MARCHF3: variants seen among roughly 807,000 people sequenced by gnomAD.
MARCHF3 encodes E3 ubiquitin-protein ligase MARCHF3.
MARCHF3 carries 13 observed loss-of-function variants against 24.2 expected under a neutral mutation model. The observed-to-expected ratio is 0.54, with a 90% CI of 0.35 to 0.85. MARCHF3 has a LOEUF of 0.85. Ranked by LOEUF, MARCHF3 falls within the 40% of genes least tolerant of loss-of-function variation. The pLI, the probability that MARCHF3 is intolerant of heterozygous loss-of-function variation, is 0.01. For missense variants in MARCHF3, 276 were observed against 325.0 expected (o/e 0.85, Z 1.16); for synonymous variants, 144 against 137.3 (o/e 1.05, Z -0.34).
chr5:127,013,336 A>T (rs1269426745), intron 1 of MARCHF3, among the ~76,000 whole-genome samples: 1 of 152,204 alleles, frequency 6.6e-6, no homozygotes, highest in Non-Finnish European at 1.5e-5. Context: ...ATTAAAAGGA[A>T]AGGAAAAGAA....
Position 126,911,855 on chromosome 5 carries a change from G to C in MARCHF3, c.393+3075C>G, listed in dbSNP as rs149100930. The stretch of plus-strand genomic sequence containing the variant: ...ATAATCAACTCACTGAGGTCTAATT[G>C]TACGCCATACAGTATATCCATTTTA... On this transcript the variant is annotated intron_variant, in intron 3 of 4. Transcript: ENST00000308660. Among the ~76,000 whole-genome samples the C allele has an allele frequency of 1.9e-3, 289 of 152,310 alleles. 1 individual carries two copies. Among genetic ancestry groups the C allele is most frequent in the African/African-American group, 6.8e-3 (282 of 41,562 alleles).
chr5:126,958,781 G>A (rs1226575529), intron 1 of MARCHF3, among the ~76,000 whole-genome samples: 1 of 152,134 alleles, frequency 6.6e-6, no homozygotes, highest in African/African-American at 2.4e-5. Context: ...TGATTTTTAA[G>A]TGTAATGTGC....
At chr5:127,010,805 G>A (rs1394112965) in intron 1 of MARCHF3, among the ~76,000 whole-genome samples, 1 of 152,076 alleles carries the variant, frequency 6.6e-6, no homozygotes, top group Non-Finnish European at 1.5e-5. Flanking sequence ...CTGTAATGTT[G>A]GCTACAAAAG....
At chr5:126,984,311 CT>C (rs1751489959) in intron 1 of MARCHF3, among the ~76,000 whole-genome samples, 1 of 152,246 alleles carries the variant, frequency 6.6e-6, no homozygotes, top group African/African-American at 2.4e-5. Flanking sequence ...CATAAAGGTA[CT>C]TAGGAAATAA....
chr5:126,910,207 C>G (rs1285860182), intron 3 of MARCHF3, among the ~76,000 whole-genome samples: 1 of 152,208 alleles, frequency 6.6e-6, no homozygotes, highest in Non-Finnish European at 1.5e-5. Flanking sequence ...TTGAGCTGAC[C>G]TATAACTTCA....
intron 1 of MARCHF3, among the ~76,000 whole-genome samples, chr5:126,986,219 G>A (rs111401334): frequency 5.9e-5 from 9 of 152,302 alleles, no homozygotes; most frequent in African/African-American, 2.2e-4. Flanking sequence ...ATTTCAGACA[G>A]GGCCCAAGTG....
intron 1 of MARCHF3, among the ~76,000 whole-genome samples, chr5:126,957,913 T>C (rs889008817): frequency 6.6e-6 from 1 of 152,146 alleles, no homozygotes; most frequent in East Asian, 1.9e-4. Context: ...TCTAGGAACA[T>C]AGTATTTATT....
chr5:126,961,555 G>A (rs997696900), intron 1 of MARCHF3, among the ~76,000 whole-genome samples: 3 of 152,110 alleles, frequency 2.0e-5, no homozygotes, highest in Admixed American at 6.5e-5. Flanking sequence ...CTATTCATTT[G>A]TGTAACTACA....
At chr5:126,946,047 A>C (rs1341898920) in intron 1 of MARCHF3, among the ~76,000 whole-genome samples, 1 of 152,054 alleles carries the variant, frequency 6.6e-6, no homozygotes, top group African/African-American at 2.4e-5. Flanking sequence ...TGGTGAAATC[A>C]ATTTAGTGAG....
At chr5:126,896,228 GA>G (rs956424659) in intron 3 of MARCHF3, among the ~76,000 whole-genome samples, 5 of 152,156 alleles carry the variant, frequency 3.3e-5, no homozygotes, top group African/African-American at 1.2e-4. Context: ...CTAGTGAGAT[GA>G]ACCCGGTACC....
intron 3 of MARCHF3, among the ~76,000 whole-genome samples, chr5:126,911,025 C>G (rs1754507224): frequency 6.6e-6 from 1 of 152,214 alleles, no homozygotes; most frequent in African/African-American, 2.4e-5. Context: ...AAGCCCCAGT[C>G]TCCTGTAGCA....
intron 3 of MARCHF3, among the ~76,000 whole-genome samples, chr5:126,909,091 C>T (rs1278717969): frequency 6.6e-6 from 1 of 152,200 alleles, no homozygotes; most frequent in Non-Finnish European, 1.5e-5. Context: ...TGTGAGGTGT[C>T]AGTCTGCCCC....
In MARCHF3 at chr5:126,928,139, C is replaced by T. The variant is rs1272318339; in HGVS notation, c.-56-9912G>A. On this transcript the variant is annotated intron_variant, in intron 1 of 4. Coordinates refer to ENST00000308660, the MANE Select transcript of MARCHF3 (RefSeq NM_178450.5). ...GGTGAAAATAACACTTATGCCCCCACGGAGCTCATTCATTTGTTTTATGGG... is the reference window on the plus strand; with the variant it reads ...GGTGAAAATAACACTTATGCCCCCATGGAGCTCATTCATTTGTTTTATGGG... Among the ~76,000 whole-genome samples the T allele has an allele frequency of 2.6e-5, 4 of 152,200 alleles. No individual in the cohort carries two copies. In the East Asian group the frequency reaches 5.8e-4, roughly 22 times the overall value.
At chr5:127,008,815 C>T (rs568048881) in intron 1 of MARCHF3, among the ~76,000 whole-genome samples, 14 of 150,840 alleles carry the variant, frequency 9.3e-5, no homozygotes, top group African/African-American at 2.4e-4. Context: ...GTCCAGTGAC[C>T]GAACCCTATT....
chr5:126,894,412 G>T (rs958443386), intron 3 of MARCHF3, among the ~76,000 whole-genome samples: 2 of 151,404 alleles, frequency 1.3e-5, no homozygotes, highest in Middle Eastern at 3.2e-3. Context: ...GCATGATTTT[G>T]CAGCGGCTGG....
intron 1 of MARCHF3, among the ~76,000 whole-genome samples, chr5:126,970,575 T>A (rs951042526): frequency 3.3e-5 from 5 of 152,152 alleles, no homozygotes; most frequent in Non-Finnish European, 1.5e-5. Flanking sequence ...TTTGTGATAA[T>A]GTATTTGACT....
intron 3 of MARCHF3, among the ~76,000 whole-genome samples, chr5:126,900,308 T>C (rs78347427): frequency 0.02 from 3,102 of 152,166 alleles, 78 homozygotes; most frequent in South Asian, 0.12. Context: ...GTTTGTGTCC[T>C]CCAAAATTCA....
At chr5:127,018,329 A>T (rs1170228348) in intron 1 of MARCHF3, among the ~76,000 whole-genome samples, 1 of 152,054 alleles carries the variant, frequency 6.6e-6, no homozygotes, top group African/African-American at 2.4e-5. Context: ...CAAGATCATG[A>T]CAGTGCACTC....
At chr5:127,000,064 T>C (rs1001998871) in intron 1 of MARCHF3, among the ~76,000 whole-genome samples, 3 of 149,774 alleles carry the variant, frequency 2.0e-5, no homozygotes, top group Non-Finnish European at 4.4e-5. Context: ...ATAGAATATA[T>C]ATTATTCTGT....
Sources: gnomAD v4.1 joint callset for allele counts (sites outside exome capture counted in the v4.1 genomes callset) on GRCh38, gnomAD v4.1.1 for gene constraint, MANE v1.5 for transcripts, NCBI Gene and HGNC (gene_info 2026-07-23, HGNC 2026-07-21) for gene names.